TBC1D32: variants seen among roughly 807,000 people sequenced by gnomAD.
TBC1D32 encodes the protein TBC1 domain family member 32.
Under a neutral mutation model 170.3 loss-of-function variants are expected in TBC1D32, and 151 were observed. The observed-to-expected ratio is 0.89, with a 90% CI of 0.78 to 1.01. The LOEUF is 1.01. Among genes scored for constraint, TBC1D32 ranks in the 50% least tolerant of loss-of-function variants. TBC1D32 has a pLI of 0.00. For synonymous variants in TBC1D32, 498 were observed against 488.0 expected, an observed-to-expected ratio of 1.02 and a Z score of -0.27; for missense variants, 1,464 against 1,457.1, an observed-to-expected ratio of 1.00 and a Z score of -0.08.
At chr6:121,267,032 A>G (rs1800597833) in intron 15 of TBC1D32, among the ~76,000 whole-genome samples, 1 of 151,770 alleles carries the variant, frequency 6.6e-6, no homozygotes, top group Admixed American at 6.6e-5. Flanking sequence ...CCTATGTAAC[A>G]AACATGCATG....
chr6:121,204,246 T>C (rs999676107), intron 22 of TBC1D32, among the ~76,000 whole-genome samples: 5 of 151,362 alleles, frequency 3.3e-5, no homozygotes, highest in African/African-American at 4.9e-5. Flanking sequence ...ACCTTTGTTA[T>C]ACCTTCTTTG....
chr6:121,122,226 A>G (rs1780338068), intron 26 of TBC1D32, among the ~76,000 whole-genome samples: 1 of 151,950 alleles, frequency 6.6e-6, no homozygotes. Context: ...CGTCTCCATT[A>G]CTGACATCCT....
chr6:121,334,585 C>T (rs942977973), upstream of TBC1D32: 12 of 836,876 alleles, frequency 1.4e-5, no homozygotes, highest in Non-Finnish European at 2.0e-5. Context: ...CCTCAGCTGC[C>T]AGTGCGTCAT....
chr6:121,239,007 A>G, intron 20 of TBC1D32, 63 bp downstream of exon 20: 2 of 871,642 alleles, frequency 2.3e-6, no homozygotes, highest in East Asian at 2.5e-5. Flanking sequence ...ATAAAGTATG[A>G]ACGAATTCAT....
chr6:121,292,088 C>A lies in TBC1D32; in HGVS notation c.1337G>T (p.Arg446Ile). 2 of 1,594,328 alleles carry A rather than the reference C, an allele frequency of 1.3e-6. No individual in the cohort carries two copies. The highest frequency in any genetic ancestry group is 1.7e-6 in the Non-Finnish European group (2 of 1,170,678). Reference sequence around the variant, plus strand: ...CTTCAGCTTAATAGGAAATAGTTTTCTGCCTTGTTTATAGATCAATAATCT... The same window carrying A: ...CTTCAGCTTAATAGGAAATAGTTTTATGCCTTGTTTATAGATCAATAATCT... ...LGRLLIYKQG[R>I]KLFPIKLKNK... Residue 446 changes from arginine (R) to isoleucine (I), a missense_variant, in exon 12 of 32, where the codon AGA becomes ATA. This residue lies in a region of TBC1D32 where 1,363 missense variants were observed against 1,338.1 expected (regional missense o/e 1.02). Transcript: ENST00000398212.
chr6:121,328,329 A>C (rs1810725738), intron 1 of TBC1D32, among the ~76,000 whole-genome samples: 1 of 151,970 alleles, frequency 6.6e-6, no homozygotes, highest in South Asian at 2.1e-4. Flanking sequence ...TCTGTCACCC[A>C]GGCTGGAGTG....
At chr6:121,137,083 A>G (rs941832090) in intron 24 of TBC1D32, among the ~76,000 whole-genome samples, 5 of 152,088 alleles carry the variant, frequency 3.3e-5, no homozygotes, top group East Asian at 1.9e-4. Context: ...ATATGTCCTG[A>G]TAAGAGGTTC....
At position 121,104,802 on chromosome 6, in the gene TBC1D32, C is replaced by A. The variant is rs182844137; in HGVS notation, c.3465+1221G>T. On this transcript the variant is annotated intron_variant, in intron 30 of 31. Coordinates refer to ENST00000398212, the MANE Select transcript of TBC1D32 (RefSeq NM_152730.6). ...AACAAATGGAAAAGCTTACTATCTT[C>A]CTAGATAGACTGAGTATAATAACAC... 1.4e-3 allele frequency among the ~76,000 whole-genome samples: 208 copies of A among 151,562 alleles called. 1 individual carries two copies. The highest frequency in any genetic ancestry group is 2.5e-3 in the Non-Finnish European group (172 of 67,728).
chr6:121,299,635 C>G (rs1583637637), intron 9 of TBC1D32, 130 bp from the exon 10 acceptor site: 2 of 869,072 alleles, frequency 2.3e-6, no homozygotes, highest in East Asian at 6.7e-5. Context: ...TAGTCAATGA[C>G]AGACAGGTGT....
At chr6:121,224,799 T>G (rs1404644719) in intron 20 of TBC1D32, among the ~76,000 whole-genome samples, 2 of 152,138 alleles carry the variant, frequency 1.3e-5, no homozygotes, top group Non-Finnish European at 2.9e-5. Flanking sequence ...TAACACACAG[T>G]GGTTTTTAAT....
At chr6:121,104,068 T>C (rs1293073755) in intron 30 of TBC1D32, among the ~76,000 whole-genome samples, 1 of 151,836 alleles carries the variant, frequency 6.6e-6, no homozygotes, top group Non-Finnish European at 1.5e-5. Flanking sequence ...TCAGAAAGTT[T>C]AAAATAGGAA....
intron 4 of TBC1D32, 104 bp from the exon 5 acceptor site, chr6:121,308,205 T>A: frequency 8.8e-7 from 1 of 1,135,738 alleles, no homozygotes; most frequent in Non-Finnish European, 1.3e-6. Flanking sequence ...GTCTGGATAA[T>A]TTATAAAGAA....
At position 121,283,803 on chromosome 6, in the gene TBC1D32, T is replaced by C. The variant is rs1583558399; in HGVS notation, c.1465+15A>G. ...ATGTTTTATATTTCTCTATTTAAAA[T>C]AGAAACAGAATTACCTGAATGGGCA... On this transcript the variant is annotated intron_variant, in intron 13 of 31. Transcript: ENST00000398212. 5.8e-6 allele frequency: 9 copies of C among 1,559,586 alleles called. No individual in the cohort carries two copies. The highest frequency in any genetic ancestry group is 7.9e-6 in the Non-Finnish European group (9 of 1,136,528).
At chr6:121,301,693 AT>A (rs1199783071) in intron 9 of TBC1D32, among the ~76,000 whole-genome samples, 1 of 152,174 alleles carries the variant, frequency 6.6e-6, no homozygotes, top group East Asian at 1.9e-4. Flanking sequence ...TAGTAAAAAA[AT>A]TTTTTTGAAA....
chr6:121,217,237 G>A (rs115306992), intron 21 of TBC1D32, among the ~76,000 whole-genome samples: 1,882 of 152,328 alleles, frequency 0.012, 38 homozygotes, highest in African/African-American at 0.043. Context: ...CTTGGCAAAT[G>A]CCTTTATCTC....
intron 11 of TBC1D32, 106 bp from the exon 12 acceptor site, chr6:121,292,299 G>T: frequency 8.6e-7 from 1 of 1,164,330 alleles, no homozygotes; most frequent in Non-Finnish European, 1.2e-6. Flanking sequence ...CTAGAATGGA[G>T]ACATTACTGG....
At chr6:121,102,407 C>G (rs1017137339) in intron 30 of TBC1D32, among the ~76,000 whole-genome samples, 3 of 152,074 alleles carry the variant, frequency 2.0e-5, no homozygotes, top group Admixed American at 6.6e-5. Flanking sequence ...ACCAATGGAA[C>G]AGAACACAGC....
At chr6:121,289,581 A>C (rs1274573943) in intron 12 of TBC1D32, among the ~76,000 whole-genome samples, 3 of 152,200 alleles carry the variant, frequency 2.0e-5, no homozygotes, top group Non-Finnish European at 4.4e-5. Context: ...GCCCAAGGCA[A>C]TTTATAGATT....
chr6:121,309,738 A>C (rs1317349095), intron 4 of TBC1D32, among the ~76,000 whole-genome samples: 1 of 152,172 alleles, frequency 6.6e-6, no homozygotes, highest in Non-Finnish European at 1.5e-5. Flanking sequence ...GCTTCTCTTA[A>C]AAATCCTTTT....
Sources: allele counts gnomAD v4.1 joint callset (sites outside exome capture counted in the v4.1 genomes callset), GRCh38; gene constraint gnomAD v4.1.1; regional missense constraint gnomAD v4.1.1; transcripts MANE v1.5; gene names NCBI Gene and HGNC (gene_info 2026-07-23, HGNC 2026-07-21).